Variants in GDF1 observed in about 807,000 individuals in gnomAD.
GDF1 encodes growth differentiation factor 1, also known as embryonic growth/differentiation factor 1.
A neutral mutation model predicts 7.4 loss-of-function variants in GDF1; 8 were observed. That is an observed-to-expected ratio of 1.09 (90% confidence interval 0.64 to 1.96). The LOEUF is 1.96. Ranked by LOEUF, GDF1 falls within the 30% of genes most tolerant of loss-of-function variation. The probability of loss-of-function intolerance (pLI) is 0.00; values close to 1 mark genes in which losing one functional copy is unlikely to be tolerated. For synonymous variants in GDF1, 311 were observed against 276.7 expected, an observed-to-expected ratio of 1.12 and a Z score of -1.23; for missense variants, 574 against 551.5, an observed-to-expected ratio of 1.04 and a Z score of -0.41.
chr19:18,884,135 A>T lies in GDF1; in HGVS notation c.-781T>A. 6.2e-7 allele frequency: 1 copy of T among 1,613,364 alleles called. No individual in the cohort carries two copies. Among genetic ancestry groups the T allele is most frequent in the African/African-American group, 1.3e-5 (1 of 74,936 alleles). ...GAGGATGAGAGTGACCACGTGGTGG[A>T]GCAGCATGACCACCGAGTCCTTGCG... is the stretch of plus-strand genomic sequence containing the variant. On this transcript the variant is annotated 5_prime_UTR_variant, in exon 3 of 8. Transcript: ENST00000247005.
In GDF1 at chr19:18,893,010, A is replaced by G. The variant is rs893435634; in HGVS notation, c.-914+406T>C. ...CGGCTCACTGCAACCTCTGCCTCCC[A>G]GGTTCAAGCGATTCTCCTGCCTCAG... On this transcript the variant is annotated intron_variant, in intron 2 of 7. Transcript: ENST00000247005. 4.0e-4 allele frequency among the ~76,000 whole-genome samples: 59 copies of G among 148,430 alleles called. 1 individual carries two copies. The highest frequency in any genetic ancestry group is 3.4e-4 in the Non-Finnish European group (23 of 67,022).
chr19:18,869,877 G>T (rs1193361641), intron 7 of GDF1, 106 bp downstream of exon 7: 6 of 1,104,880 alleles, frequency 5.4e-6, no homozygotes, highest in African/African-American at 1.5e-5. Context: ...TGGACAGGGC[G>T]GGTGGGGACC....
Position 18,870,369 on chromosome 19 carries a change from T to TGA in GDF1, c.-64_-63dup. 1.3e-6 allele frequency: 2 copies of TGA among 1,522,802 alleles called. No individual in the cohort carries two copies. Among genetic ancestry groups the TGA allele is most frequent in the Non-Finnish European group, 1.8e-6 (2 of 1,136,458 alleles). 94.3% of individuals were successfully genotyped at this position (1,522,802 alleles called of 1,614,324 possible). On this transcript the variant is annotated 5_prime_UTR_variant, in exon 7 of 8. Coordinates refer to ENST00000247005, the MANE Select transcript of GDF1 (RefSeq NM_001492.6). The surrounding 1 kb of genome is among the most constrained non-coding windows in gnomAD (Gnocchi z 5.1). ...CCGCGGCGGCCCGGGACCAGTGGGC[T>TGA]GAGGGCGGGGCCGGTGTCCCCGGAG...
Position 18,882,697 on chromosome 19 carries a change from GTT to G in GDF1, c.-733+1388_-733+1389del, listed in dbSNP as rs534543714. Among the ~76,000 whole-genome samples the G allele has an allele frequency of 5.4e-3, 820 of 150,798 alleles. 1 individual carries two copies. The highest frequency in any genetic ancestry group is 0.024 in the Middle Eastern group (7 of 292). Reference sequence around the variant, plus strand: ...ATTTTAAAAATGTATTTATGTACGTGTTTGTTTATTTTTGAGACGGAGTCTCG... The same window carrying G: ...ATTTTAAAAATGTATTTATGTACGTGTGTTTATTTTTGAGACGGAGTCTCG... On this transcript the variant is annotated intron_variant, in intron 3 of 7. Coordinates refer to ENST00000247005, the MANE Select transcript of GDF1 (RefSeq NM_001492.6).
chr19:18,874,946 T>C (rs376766243), intron 6 of GDF1, among the ~76,000 whole-genome samples: 3 of 152,182 alleles, frequency 2.0e-5, no homozygotes, highest in African/African-American at 7.2e-5. Flanking sequence ...CCTGATTGAA[T>C]TTTCGGAACC....
intron 2 of GDF1, among the ~76,000 whole-genome samples, chr19:18,890,999 C>T (rs1233237083): frequency 6.6e-6 from 1 of 151,858 alleles, no homozygotes; most frequent in African/African-American, 2.4e-5. Context: ...TGGCGCGTGC[C>T]TATAATTCCA....
intron 4 of GDF1, among the ~76,000 whole-genome samples, 169 bp from the exon 5 acceptor site, chr19:18,879,557 C>T (rs1451405319): frequency 6.6e-6 from 1 of 151,202 alleles, no homozygotes; most frequent in East Asian, 2.0e-4. Context: ...CCATGCCCCG[C>T]CCACCTCGCC....
At chr19:18,869,702 T>A (rs1173467638) in intron 7 of GDF1, among the ~76,000 whole-genome samples, 2 of 104,020 alleles carry the variant, frequency 1.9e-5, no homozygotes, top group African/African-American at 7.5e-5. Context: ...GGATGGCATC[T>A]GCAGGAAGGC....
chr19:18,876,027 C>T (rs1173630592), intron 6 of GDF1, among the ~76,000 whole-genome samples: 1 of 152,200 alleles, frequency 6.6e-6, no homozygotes. Flanking sequence ...TTATAGAGTT[C>T]CTGGGAAAGT....
rs536565011 is a variant in GDF1, at chr19:18,885,161, G to A, written c.-913-894C>T. Among the ~76,000 whole-genome samples, 3 of 152,232 alleles carry A rather than the reference G, an allele frequency of 2.0e-5. No individual in the cohort carries two copies. In the South Asian group the frequency reaches 6.2e-4, roughly 32 times the overall value. On this transcript the variant is annotated intron_variant, in intron 2 of 7. Coordinates refer to ENST00000247005, the MANE Select transcript of GDF1 (RefSeq NM_001492.6). ...AAGTGGTATATTTGCTACAAATGCT[G>A]AACTAATATAGACACATTATTATCA...
intron 6 of GDF1, among the ~76,000 whole-genome samples, chr19:18,872,972 C>T (rs1280993579): frequency 6.6e-6 from 1 of 152,216 alleles, no homozygotes; most frequent in Non-Finnish European, 1.5e-5. Flanking sequence ...CTCTGATGGA[C>T]ACCTTTTGGC....
Position 18,893,456 on chromosome 19 carries a change from G to T in GDF1, c.-954C>A. The T allele has an allele frequency of 6.2e-7, 1 of 1,606,354 alleles. No homozygotes were observed. Among genetic ancestry groups the T allele is most frequent in the East Asian group, 2.2e-5 (1 of 44,568 alleles). ...GTGGGTCATGGAAGAAGGGGTAGTC[G>T]GTGCCAAACAGCAGGTAGGCACTGT... On this transcript the variant is annotated 5_prime_UTR_variant, in exon 2 of 8. Transcript: ENST00000247005.
Position 18,894,129 on chromosome 19 carries a change from T to G in GDF1, c.-1073-554A>C, listed in dbSNP as rs553748227. ...GGGGCGATGAAAGGGGAGGAGGGGC[T>G]GGAGGCAGAAAAAGGGGACAGGAGG... On this transcript the variant is annotated intron_variant, in intron 1 of 7. Transcript: ENST00000247005. Among the ~76,000 whole-genome samples, 20 of 148,644 alleles carry G rather than the reference T, an allele frequency of 1.3e-4. 1 individual carries two copies. In the South Asian group the frequency reaches 3.9e-3, roughly 29 times the overall value.
rs755223903 is a variant in GDF1, at chr19:18,880,438, G to T, written c.-732-3C>A. 1 of 1,578,700 alleles carries T rather than the reference G, an allele frequency of 6.3e-7. No individual in the cohort carries two copies. The highest frequency in any genetic ancestry group is 1.2e-5 in the South Asian group (1 of 86,762). ...CAAGGATGCCCACATTGTGGTACCT[G>T]GGGGAGCAGCAGGCAGAGAGGAGAG... On this transcript the variant is annotated splice_polypyrimidine_tract_variant and splice_region_variant and intron_variant, in intron 3 of 7. Transcript: ENST00000247005.
intron 2 of GDF1, among the ~76,000 whole-genome samples, chr19:18,887,356 G>A (rs1433358029): frequency 1.3e-5 from 2 of 152,186 alleles, no homozygotes; most frequent in Non-Finnish European, 2.9e-5. Flanking sequence ...TGGGGGAGAG[G>A]ACTGGTGAGT....
At position 18,896,076 on chromosome 19, in the gene GDF1, G is replaced by T. The variant is rs1293846934; in HGVS notation, c.-1326C>A. On this transcript the variant is annotated 5_prime_UTR_variant, in exon 1 of 8. Transcript: ENST00000247005. This position sits in a 1 kb window ranked among gnomAD's most constrained non-coding sequence, Gnocchi z 5.9. Reference sequence around the variant, plus strand: ...CCGCGGGCCCCGCCGCCGCCATACCGCCCGCTCGCCCGCCGTGCCCGTCGC... The same window carrying T: ...CCGCGGGCCCCGCCGCCGCCATACCTCCCGCTCGCCCGCCGTGCCCGTCGC... The T allele has an allele frequency of 7.3e-6, 7 of 955,124 alleles. No individual in the cohort carries two copies. Among genetic ancestry groups the T allele is most frequent in the Non-Finnish European group, 6.2e-6 (5 of 804,790 alleles). 59.2% of individuals were successfully genotyped at this position (955,124 alleles called of 1,614,324 possible). A position where few individuals can be genotyped will look rare whatever the true frequency, so the allele number is the denominator to read the frequency against.
Position 18,868,641 on chromosome 19 carries a change from G to T in GDF1, c.1075C>A (p.Arg359=). 1 of 1,574,484 alleles carries T rather than the reference G, an allele frequency of 6.4e-7. No individual in the cohort carries two copies. Among genetic ancestry groups the T allele is most frequent in the Non-Finnish European group, 8.6e-7 (1 of 1,160,126 alleles). The part of the protein sequence containing the change: ...FFDNSDNVVL[R]QYEDMVVDEC... ...TCCACCACCATGTCCTCATACTGCC[G>T]CAGCACCACGTTGTCGCTGTTGTCA... The change falls in exon 8 of 8, where the codon CGG becomes AGG. Residue 359 remains arginine, a synonymous_variant. Coordinates refer to ENST00000247005, the MANE Select transcript of GDF1 (RefSeq NM_001492.6).
intron 3 of GDF1, among the ~76,000 whole-genome samples, chr19:18,880,932 C>G (rs966514783): frequency 6.6e-6 from 1 of 152,182 alleles, no homozygotes; most frequent in Non-Finnish European, 1.5e-5. Context: ...CTCCTGGGCT[C>G]AAGCGATCTT....
rs77593844 is a variant in GDF1 at position 18,878,109 on chromosome 19, C to T, written c.-313+821G>A. Reference sequence around the variant, plus strand: ...TGAGCCACTGCTTCCCTGAAACCATCGTTCCCACGTCACCGATGGCCCCCA... The same window carrying T: ...TGAGCCACTGCTTCCCTGAAACCATTGTTCCCACGTCACCGATGGCCCCCA... On this transcript the variant is annotated intron_variant, in intron 6 of 7. Coordinates refer to ENST00000247005, the MANE Select transcript of GDF1 (RefSeq NM_001492.6). The surrounding 1 kb of genome is among the most constrained non-coding windows in gnomAD (Gnocchi z 4.6). 2,979 of 985,580 alleles carry T rather than the reference C, an allele frequency of 3.0e-3. 67 individuals are homozygous for T. The African/African-American group carries it at 0.047, about 15-fold the overall frequency. The allele number at this position is 985,580 out of a possible 1,614,324, so 61.1% of individuals were successfully genotyped here. A position where few individuals can be genotyped will look rare whatever the true frequency, so the allele number is the denominator to read the frequency against.
Sources: allele counts gnomAD v4.1 joint callset (sites outside exome capture counted in the v4.1 genomes callset), GRCh38; gene constraint gnomAD v4.1.1; non-coding constraint Gnocchi (gnomAD v3.1); transcripts MANE v1.5; gene names NCBI Gene and HGNC (gene_info 2026-07-23, HGNC 2026-07-21).